Variants in PBX3 observed in about 807,000 individuals in gnomAD.
PBX3 encodes PBX homeobox 3.
Under a neutral mutation model 48.5 loss-of-function variants are expected in PBX3, and 14 were observed. The ratio of observed to expected loss-of-function variants is 0.29; its 90% CI spans 0.19 to 0.45. The LOEUF is 0.45. PBX3 is among the 20% of genes least tolerant of loss of function. The pLI, the probability that PBX3 is intolerant of heterozygous loss-of-function variation, is 1.00. For missense variants in PBX3, 386 were observed against 546.7 expected, an observed-to-expected ratio of 0.71 and a Z score of 2.93; for synonymous variants, 210 against 200.3, an observed-to-expected ratio of 1.05 and a Z score of -0.41.
chr9:125,930,736 G>A (rs1288716686), intron 4 of PBX3, among the ~76,000 whole-genome samples: 1 of 152,070 alleles, frequency 6.6e-6, no homozygotes, highest in Non-Finnish European at 1.5e-5. Flanking sequence ...CCATCCTTTT[G>A]TACATGGGCT....
At chr9:125,955,947 G>C (rs995465410) in intron 5 of PBX3, among the ~76,000 whole-genome samples, 1 of 152,116 alleles carries the variant, frequency 6.6e-6, no homozygotes, top group African/African-American at 2.4e-5. Context: ...TAAGCATTTC[G>C]CAGTTGGTTA....
At chr9:125,948,494 A>G (rs1289642234) in intron 5 of PBX3, among the ~76,000 whole-genome samples, 1 of 152,240 alleles carries the variant, frequency 6.6e-6, no homozygotes, top group Non-Finnish European at 1.5e-5. Flanking sequence ...ATTAAGCAAT[A>G]TAACCCTTGG....
chr9:125,774,233 C>CT (rs1297326658), intron 2 of PBX3, among the ~76,000 whole-genome samples: 1 of 152,152 alleles, frequency 6.6e-6, no homozygotes, highest in African/African-American at 2.4e-5. Flanking sequence ...TGTGAAAACT[C>CT]TATCATGAGA....
intron 2 of PBX3, among the ~76,000 whole-genome samples, chr9:125,867,827 T>TA (rs774116870): frequency 6.9e-6 from 1 of 145,110 alleles, no homozygotes; most frequent in Non-Finnish European, 1.6e-5. Context: ...TACACATACA[T>TA]ATATATATAC....
intron 2 of PBX3, among the ~76,000 whole-genome samples, chr9:125,803,626 T>G (rs191770229): frequency 6.6e-6 from 1 of 152,330 alleles, no homozygotes; most frequent in Admixed American, 6.5e-5. Flanking sequence ...GAAGTTATAC[T>G]GTTTTGGCAG....
chr9:125,917,530 T>C (rs1319201930), intron 3 of PBX3, among the ~76,000 whole-genome samples: 2 of 152,162 alleles, frequency 1.3e-5, no homozygotes, highest in Non-Finnish European at 2.9e-5. Context: ...GTGCTATTCA[T>C]CCCTCTCTTC....
At chr9:125,947,671 A>G (rs752066515) in intron 5 of PBX3, among the ~76,000 whole-genome samples, 53 of 152,180 alleles carry the variant, frequency 3.5e-4, no homozygotes, top group Admixed American at 1.1e-3. Context: ...TGATAGGTTT[A>G]TACCTAAATA....
intron 3 of PBX3, among the ~76,000 whole-genome samples, chr9:125,923,408 C>T (rs962122205): frequency 6.6e-6 from 1 of 152,148 alleles, no homozygotes; most frequent in African/African-American, 2.4e-5. Flanking sequence ...GAAACGCTTC[C>T]ATACTCTGGT....
intron 2 of PBX3, among the ~76,000 whole-genome samples, chr9:125,760,931 A>G (rs1400118575): frequency 6.6e-6 from 1 of 152,208 alleles, no homozygotes; most frequent in African/African-American, 2.4e-5. Flanking sequence ...ACATTTTCTT[A>G]TGACATGTGT....
intron 2 of PBX3, among the ~76,000 whole-genome samples, chr9:125,787,281 T>C (rs1032147798): frequency 1.3e-5 from 2 of 152,096 alleles, no homozygotes; most frequent in African/African-American, 4.8e-5. Flanking sequence ...TAAGTGGGAA[T>C]TGGAAAGCTG....
intron 2 of PBX3, among the ~76,000 whole-genome samples, chr9:125,780,868 C>A (rs1464896154): frequency 6.7e-6 from 1 of 149,856 alleles, no homozygotes; most frequent in Admixed American, 6.6e-5. Context: ...AGGGACTCCT[C>A]ACTTCTCAGA....
intron 2 of PBX3, among the ~76,000 whole-genome samples, chr9:125,810,182 A>G (rs1838245838): frequency 6.6e-6 from 1 of 151,894 alleles, no homozygotes; most frequent in Non-Finnish European, 1.5e-5. Context: ...ACCCCTCCCT[A>G]CTCTTTTATA....
chr9:125,825,756 A>G (rs1271955920), intron 2 of PBX3, among the ~76,000 whole-genome samples: 2 of 152,226 alleles, frequency 1.3e-5, no homozygotes, highest in South Asian at 2.1e-4. Flanking sequence ...AAGTATCCTC[A>G]TTTCATCAGT....
At position 125,784,475 on chromosome 9, in the gene PBX3, A is replaced by T. The variant is rs566312907; in HGVS notation, c.274+35852A>T. 4.5e-4 allele frequency among the ~76,000 whole-genome samples: 69 copies of T among 152,220 alleles called. 1 individual carries two copies. In the South Asian group the frequency reaches 1.0e-2, roughly 22 times the overall value. On this transcript the variant is annotated intron_variant, in intron 2 of 8. Transcript: ENST00000373489. ...GTTGTGGTTAAGAATTGGATATTTT[A>T]ATGTGGTGGTAACTCTGGAAATCAG... is the stretch of plus-strand genomic sequence containing the variant.
At chr9:125,791,281 ATCTG>A (rs78566375) in intron 2 of PBX3, among the ~76,000 whole-genome samples, 50,060 of 142,368 alleles carry the variant, frequency 0.35, 9,100 homozygotes, top group Non-Finnish European at 0.38. Context: ...ATACATTTTT[ATCTG>A]TCTGTCTGTC....
intron 2 of PBX3, among the ~76,000 whole-genome samples, chr9:125,839,753 G>T (rs918949289): frequency 2.6e-5 from 4 of 152,118 alleles, no homozygotes; most frequent in African/African-American, 7.2e-5. Flanking sequence ...GACATGAAAG[G>T]CCGAGGAAAG....
chr9:125,832,917 A>G (rs754812102), intron 2 of PBX3, among the ~76,000 whole-genome samples: 2 of 152,156 alleles, frequency 1.3e-5, no homozygotes, highest in Non-Finnish European at 2.9e-5. Flanking sequence ...TTTTGTAGGA[A>G]ATGTCATCTG....
chr9:125,807,424 G>A (rs1183363703), intron 2 of PBX3, among the ~76,000 whole-genome samples: 1 of 152,196 alleles, frequency 6.6e-6, no homozygotes, highest in East Asian at 1.9e-4. Context: ...TTTCCTAACA[G>A]GGAGGAAGCA....
At chr9:125,890,535 C>G (rs555418449) in intron 2 of PBX3, among the ~76,000 whole-genome samples, 6 of 152,322 alleles carry the variant, frequency 3.9e-5, no homozygotes, top group East Asian at 3.9e-4. Context: ...GATTTAAATA[C>G]GGACACCATA....
Sources: allele counts gnomAD v4.1 joint callset (sites outside exome capture counted in the v4.1 genomes callset), GRCh38; gene constraint gnomAD v4.1.1; transcripts MANE v1.5; gene names NCBI Gene and HGNC (gene_info 2026-07-23, HGNC 2026-07-21).